The following P2RY12 variants were observed in gnomAD, a reference collection of about 807,000 sequenced individuals.
P2RY12 encodes the protein P2Y purinoceptor 12.
A neutral mutation model predicts 4.5 loss-of-function variants in P2RY12; 3 were observed. That is an observed-to-expected ratio of 0.67 (90% CI 0.31 to 1.74). The LOEUF (loss-of-function observed/expected upper bound fraction) is 1.74. Ranked by LOEUF, P2RY12 falls within the 40% of genes most tolerant of loss-of-function variation. The probability of loss-of-function intolerance (pLI) is 0.09; values close to 1 mark genes in which losing one functional copy is unlikely to be tolerated. For missense variants in P2RY12, 356 were observed against 407.8 expected (o/e 0.87, Z 1.09); for synonymous variants, 148 against 154.1 (o/e 0.96, Z 0.29).
At chr3:151,378,430 C>T (rs1019420573) in intron 1 of P2RY12, among the ~76,000 whole-genome samples, 4 of 152,088 alleles carry the variant, frequency 2.6e-5, no homozygotes, top group Admixed American at 1.3e-4. Context: ...TTCCGAGACC[C>T]GCTTTAGACC....
intron 1 of P2RY12, among the ~76,000 whole-genome samples, chr3:151,379,655 A>G (rs560770737): frequency 6.6e-6 from 1 of 152,322 alleles, no homozygotes; most frequent in African/African-American, 2.4e-5. Context: ...GTGCTGAAAA[A>G]CAAAATCAAA....
intron 1 of P2RY12, among the ~76,000 whole-genome samples, chr3:151,363,465 C>T (rs887111084): frequency 6.6e-6 from 1 of 152,146 alleles, no homozygotes; most frequent in Non-Finnish European, 1.5e-5. Context: ...ACACTGGTCA[C>T]CTCTACCACT....
chr3:151,355,698 G>A (rs902669876), intron 1 of P2RY12, among the ~76,000 whole-genome samples: 1 of 152,042 alleles, frequency 6.6e-6, no homozygotes, highest in Non-Finnish European at 1.5e-5. Flanking sequence ...ACAACTTTTT[G>A]TATTTTTTAA....
chr3:151,376,175 G>T (rs1243642962), intron 1 of P2RY12: 1 of 1,601,696 alleles, frequency 6.2e-7, no homozygotes, highest in East Asian at 2.3e-5. Context: ...GTACCGAGGG[G>T]GACAATCTGC....
intron 1 of P2RY12, among the ~76,000 whole-genome samples, chr3:151,352,212 T>C (rs1348855523): frequency 6.6e-6 from 1 of 152,210 alleles, no homozygotes; most frequent in Non-Finnish European, 1.5e-5. Context: ...CTGTGACCTG[T>C]TATGTGAGAT....
intron 1 of P2RY12, chr3:151,360,741 C>A: frequency 2.7e-6 from 2 of 754,162 alleles, no homozygotes; most frequent in South Asian, 1.9e-5. Context: ...TTGATATACT[C>A]ATGATTTGTT....
intron 1 of P2RY12, among the ~76,000 whole-genome samples, chr3:151,356,354 T>G (rs1010637691): frequency 7.9e-5 from 12 of 151,972 alleles, no homozygotes; most frequent in African/African-American, 1.9e-4. Flanking sequence ...ATCATACAAC[T>G]GCACTCAAGC....
At chr3:151,369,027 C>T (rs1169770502) in intron 1 of P2RY12, among the ~76,000 whole-genome samples, 1 of 152,136 alleles carries the variant, frequency 6.6e-6, no homozygotes, top group East Asian at 1.9e-4. Context: ...TCCCAAAGTG[C>T]TGGGATTACA....
intron 1 of P2RY12, chr3:151,377,033 A>T: frequency 6.2e-7 from 1 of 1,614,104 alleles, no homozygotes; most frequent in Non-Finnish European, 8.5e-7. Flanking sequence ...ACTGGACAAT[A>T]TTGCAAAGGC....
chr3:151,382,630 A>G, intron 1 of P2RY12: 2 of 1,561,176 alleles, frequency 1.3e-6, no homozygotes, highest in Non-Finnish European at 1.8e-6. Context: ...TTAAACTTTA[A>G]TGGGGAGTTT....
intron 1 of P2RY12, among the ~76,000 whole-genome samples, chr3:151,374,222 C>CA (rs35997570): frequency 0.27 from 40,825 of 151,940 alleles, 5,991 homozygotes; most frequent in South Asian, 0.38. Flanking sequence ...AGCGCTTTGT[C>CA]AAAAAATGAT....
At chr3:151,347,494 CTTCTGT>C (rs1752677328) in intron 1 of P2RY12, among the ~76,000 whole-genome samples, 2 of 152,190 alleles carry the variant, frequency 1.3e-5, no homozygotes, top group Admixed American at 1.3e-4. Context: ...ACTTCCCCTC[CTTCTGT>C]GGGGAGGTTT....
intron 1 of P2RY12, among the ~76,000 whole-genome samples, chr3:151,374,358 G>A (rs1456576001): frequency 6.6e-6 from 1 of 152,116 alleles, no homozygotes; most frequent in Non-Finnish European, 1.5e-5. Context: ...GACCAGCCTG[G>A]CCAACATGGT....
intron 1 of P2RY12, chr3:151,368,038 T>C: frequency 1.0e-6 from 1 of 956,668 alleles, no homozygotes; most frequent in Non-Finnish European, 1.6e-6. Flanking sequence ...TTTCTTACCA[T>C]AAGGAAAATT....
chr3:151,378,203 G>C (rs1424160666), intron 1 of P2RY12: 3 of 1,557,772 alleles, frequency 1.9e-6, no homozygotes, highest in Admixed American at 1.9e-5. Context: ...GTCTGTGTGA[G>C]AGTTTAAAGA....
intron 1 of P2RY12, chr3:151,372,720 A>G (rs201197253): frequency 3.9e-5 from 63 of 1,613,924 alleles, no homozygotes; most frequent in Admixed American, 2.0e-4. Context: ...GAAACTGCCA[A>G]TTTAAGAGAA....
At chr3:151,368,677 GTC>G (rs1755710448) in intron 1 of P2RY12, among the ~76,000 whole-genome samples, 8 of 95,428 alleles carry the variant, frequency 8.4e-5, no homozygotes, top group African/African-American at 7.3e-5. Context: ...TTCATTTCAT[GTC>G]ATTTCATTTT....
intron 1 of P2RY12, among the ~76,000 whole-genome samples, chr3:151,383,162 T>G (rs542024804): frequency 2.6e-5 from 4 of 152,372 alleles, no homozygotes; most frequent in African/African-American, 9.6e-5. Flanking sequence ...CAGAGAAGTT[T>G]TATAGAAATT....
chr3:151,361,884 G>T (rs541968317), intron 1 of P2RY12, among the ~76,000 whole-genome samples: 1 of 152,206 alleles, frequency 6.6e-6, no homozygotes, highest in African/African-American at 2.4e-5. Context: ...TACCCCCACA[G>T]GCAGCACTAG....
Sources: gnomAD v4.1 joint callset for allele counts (sites outside exome capture counted in the v4.1 genomes callset) on GRCh38, gnomAD v4.1.1 for gene constraint, MANE v1.5 for transcripts, NCBI Gene and HGNC (gene_info 2026-07-23, HGNC 2026-07-21) for gene names.